SGIP1: variants seen among roughly 807,000 people sequenced by gnomAD.
The protein encoded by SGIP1 is SH3GL interacting endocytic adaptor 1.
SGIP1 carries 38 observed loss-of-function variants against 107.5 expected under a neutral mutation model. The ratio of observed to expected loss-of-function variants is 0.35; its 90% CI spans 0.27 to 0.46. The LOEUF is 0.46. Ranked by LOEUF, SGIP1 falls within the 20% of genes least tolerant of loss-of-function variation. The probability of loss-of-function intolerance (pLI) is 1.00; values close to 1 mark genes in which losing one functional copy is unlikely to be tolerated. For missense variants in SGIP1, 929 were observed against 1,019.5 expected, an observed-to-expected ratio of 0.91 and a Z score of 1.21; for synonymous variants, 365 against 366.1, an observed-to-expected ratio of 1.00 and a Z score of 0.03.
In SGIP1 at chr1:66,716,335, A is replaced by G. The variant is rs1405926732; in HGVS notation, c.1631-2959A>G. 2.0e-5 allele frequency among the ~76,000 whole-genome samples: 3 copies of G among 152,316 alleles called. No homozygotes were observed. In the East Asian group the frequency reaches 5.8e-4, roughly 29 times the overall value. On this transcript the variant is annotated intron_variant, in intron 18 of 24. Transcript: ENST00000371037. ...CAAGACTATGATCCACACAAATTTT[A>G]CTATTTTATTCACAAGACTATCATA... is the stretch of plus-strand genomic sequence containing the variant.
intron 17 of SGIP1, among the ~76,000 whole-genome samples, chr1:66,690,750 TG>T (rs772459354): frequency 6.6e-6 from 1 of 152,240 alleles, no homozygotes; most frequent in Non-Finnish European, 1.5e-5. Context: ...TCATCATTTT[TG>T]GTTGTCCTTA....
rs931069742 is a variant in SGIP1, at chr1:66,746,806, A to T, written c.*3711A>T. 1 of 152,094 alleles carries T rather than the reference A, an allele frequency of 6.6e-6. No individual in the cohort carries two copies. Among genetic ancestry groups the T allele is most frequent in the African/African-American group, 2.4e-5 (1 of 41,442 alleles). The allele number at this position is 152,094 out of a possible 1,614,324, so 9.4% of individuals were successfully genotyped here. A position where few individuals can be genotyped will look rare whatever the true frequency, so the allele number is the denominator to read the frequency against. Reference sequence around the variant, plus strand: ...TGTTTTATGTCACTATACGTACTCCATTTGAATGCCAAGGTAGAAGGCACC... The same window carrying T: ...TGTTTTATGTCACTATACGTACTCCTTTTGAATGCCAAGGTAGAAGGCACC... On this transcript the variant is annotated 3_prime_UTR_variant, in exon 25 of 25. Transcript: ENST00000371037.
chr1:66,706,029 G>C (rs947522640), intron 18 of SGIP1, among the ~76,000 whole-genome samples: 16 of 151,904 alleles, frequency 1.1e-4, no homozygotes, highest in African/African-American at 3.9e-4. Flanking sequence ...CCGGAACTTA[G>C]AGTAAAATTT....
chr1:66,611,501 G>A (rs1473471375), intron 1 of SGIP1, among the ~76,000 whole-genome samples: 1 of 152,200 alleles, frequency 6.6e-6, no homozygotes, highest in Non-Finnish European at 1.5e-5. Context: ...ATGTAGGTGA[G>A]GCCACATGGT....
intron 19 of SGIP1, among the ~76,000 whole-genome samples, chr1:66,727,713 G>A (rs915940855): frequency 6.6e-6 from 1 of 152,206 alleles, no homozygotes; most frequent in Admixed American, 6.5e-5. Flanking sequence ...TGAACTATTA[G>A]TGCACACAAC....
At chr1:66,584,256 T>C (rs2062227968) in intron 1 of SGIP1, among the ~76,000 whole-genome samples, 1 of 152,116 alleles carries the variant, frequency 6.6e-6, no homozygotes, top group Non-Finnish European at 1.5e-5. Flanking sequence ...AGCTGAATGT[T>C]AGTAAGCATC....
chr1:66,559,852 A>G (rs1235159053), intron 1 of SGIP1, among the ~76,000 whole-genome samples: 1 of 152,058 alleles, frequency 6.6e-6, no homozygotes, highest in African/African-American at 2.4e-5. Flanking sequence ...TAATGAAGAT[A>G]ATCAGAGTCC....
chr1:66,535,808 A>C (rs1237112697), intron 1 of SGIP1, among the ~76,000 whole-genome samples: 3 of 152,206 alleles, frequency 2.0e-5, no homozygotes, highest in Non-Finnish European at 4.4e-5. Context: ...AGTGTTATTT[A>C]TGCACTTTTC....
At chr1:66,712,898 A>AC (rs1266165179) in intron 18 of SGIP1, among the ~76,000 whole-genome samples, 1 of 151,608 alleles carries the variant, frequency 6.6e-6, no homozygotes, top group African/African-American at 2.4e-5. Context: ...ATTCCTCAGA[A>AC]CCCCCTCAAA....
chr1:66,576,903 C>T (rs188975349), intron 1 of SGIP1, among the ~76,000 whole-genome samples: 3 of 152,274 alleles, frequency 2.0e-5, no homozygotes, highest in African/African-American at 7.2e-5. Context: ...CACCTTCTCC[C>T]CAAGCAGAGC....
Position 66,682,440 on chromosome 1 carries a change from G to A in SGIP1, c.1315+71G>A, listed in dbSNP as rs565191712. ...TGGCTGCTGCAGTGTGAGCAACACC[G>A]TCCTCCTGCCTGGCAGCTGGCTTCA... On this transcript the variant is annotated intron_variant, in intron 15 of 24. Transcript: ENST00000371037. 7.4e-4 allele frequency: 1,136 copies of A among 1,527,168 alleles called. 11 individuals are homozygous for A. The African/African-American group carries it at 0.014, about 18-fold the overall frequency. 94.6% of individuals were successfully genotyped at this position (1,527,168 alleles called of 1,614,324 possible). A position where few individuals can be genotyped will look rare whatever the true frequency, so the allele number is the denominator to read the frequency against.
chr1:66,740,011 C>T (rs1168654392), intron 22 of SGIP1, among the ~76,000 whole-genome samples: 2 of 152,188 alleles, frequency 1.3e-5, no homozygotes, highest in African/African-American at 4.8e-5. Flanking sequence ...GGAAAACAGT[C>T]AAGAAAGCTG....
At chr1:66,575,239 G>T (rs2060901652) in intron 1 of SGIP1, among the ~76,000 whole-genome samples, 2 of 152,126 alleles carry the variant, frequency 1.3e-5, no homozygotes, top group Non-Finnish European at 2.9e-5. Flanking sequence ...GGATGGGAGG[G>T]TTTATATTAG....
chr1:66,599,057 A>G (rs2065254097), intron 1 of SGIP1, among the ~76,000 whole-genome samples: 1 of 152,178 alleles, frequency 6.6e-6, no homozygotes, highest in Non-Finnish European at 1.5e-5. Context: ...CCTCATTAGT[A>G]AATAATTATG....
At chr1:66,624,870 C>A (rs769677426) in intron 1 of SGIP1, among the ~76,000 whole-genome samples, 5 of 152,140 alleles carry the variant, frequency 3.3e-5, no homozygotes, top group East Asian at 1.9e-4. Flanking sequence ...GGATGGGAAA[C>A]ACAAACAGCC....
chr1:66,642,463 C>T (rs553555455), intron 5 of SGIP1, among the ~76,000 whole-genome samples: 59 of 152,262 alleles, frequency 3.9e-4, no homozygotes, highest in Non-Finnish European at 7.5e-4. Flanking sequence ...TTTTTACCTA[C>T]CGAAACACAC....
Position 66,741,412 on chromosome 1 carries a change from C to G in SGIP1, c.2440C>G (p.Leu814Val). The part of the protein sequence containing the change: ...ELVGAGYRFS[L>V]IKKRFAAGKY... ...TGTTGGAGCAGGGTATCGATTTTCACTCATCAAGAAAAGGTTTGCTGCAGG... is the reference window on the plus strand; with the variant it reads ...TGTTGGAGCAGGGTATCGATTTTCAGTCATCAAGAAAAGGTTTGCTGCAGG... The change falls in exon 24 of 25, where the codon CTC (leucine) becomes GTC (valine). Residue 814 changes from leucine to valine, a missense_variant. This residue lies in a region of SGIP1 where 341 missense variants were observed against 430.9 expected (regional missense o/e 0.79). Transcript: ENST00000371037. 1.3e-6 allele frequency: 2 copies of G among 1,589,280 alleles called. No homozygotes were observed. Among genetic ancestry groups the G allele is most frequent in the South Asian group, 1.2e-5 (1 of 86,210 alleles).
chr1:66,588,480 C>T (rs1206949003), intron 1 of SGIP1, among the ~76,000 whole-genome samples: 1 of 152,104 alleles, frequency 6.6e-6, no homozygotes, highest in East Asian at 1.9e-4. Flanking sequence ...TCATATGTAA[C>T]ATTTGTCACT....
chr1:66,593,936 T>A (rs2064130822), intron 1 of SGIP1, among the ~76,000 whole-genome samples: 1 of 152,222 alleles, frequency 6.6e-6, no homozygotes, highest in Non-Finnish European at 1.5e-5. Flanking sequence ...ATAATATTCT[T>A]AAAGAATAGA....
Sources: allele counts gnomAD v4.1 joint callset (sites outside exome capture counted in the v4.1 genomes callset), GRCh38; gene constraint gnomAD v4.1.1; regional missense constraint gnomAD v4.1.1; transcripts MANE v1.5; gene names NCBI Gene and HGNC (gene_info 2026-07-23, HGNC 2026-07-21).